The following GPR12 variants were observed in gnomAD, a reference collection of about 807,000 sequenced individuals.
GPR12 encodes G-protein coupled receptor 12.
A neutral mutation model predicts 18.9 loss-of-function variants in GPR12; 7 were observed. The ratio of observed to expected loss-of-function variants is 0.37; its 90% confidence interval spans 0.21 to 0.70. GPR12 has a LOEUF of 0.70. Among genes scored for constraint, GPR12 ranks in the 30% least tolerant of loss-of-function variants. GPR12 has a pLI of 0.54. For synonymous variants in GPR12, 201 were observed against 188.6 expected (o/e 1.07, Z -0.54); for missense variants, 327 against 427.7 (o/e 0.76, Z 2.08).
rs780756046 is a variant in GPR12, at chr13:26,759,744, A to G, written c.84T>C (p.Ala28=). Reference sequence around the variant, plus strand: ...CTACGGCAGGAACCCGGGAGGAGACAGCAGCCGAGATGTTCTCCGCAGCAG... The same window carrying G: ...CTACGGCAGGAACCCGGGAGGAGACGGCAGCCGAGATGTTCTCCGCAGCAG... The part of the protein sequence containing the change: ...DAAAAENISA[A]VSSRVPAVEP... The change falls in exon 2 of 2, where the codon GCT becomes GCC. Residue 28 remains alanine (A), a synonymous_variant. Coordinates refer to ENST00000405846, the MANE Select transcript of GPR12 (RefSeq NM_005288.4). 2.5e-5 allele frequency: 40 copies of G among 1,613,074 alleles called. No homozygotes were observed. Among genetic ancestry groups the G allele is most frequent in the Admixed American group, 3.3e-5 (2 of 59,984 alleles).
Position 26,758,933 on chromosome 13 carries a change from C to G in GPR12, c.895G>C (p.Val299Leu), listed in dbSNP as rs775896560. ...TCTTGGTTTCTGAAAGCATATATGA[C>G]AGGGTTGATGATGGAATTGTAGGTG... Reference protein sequence around the residue: ...PATYNSIINPVIYAFRNQEIQ... With the variant: ...PATYNSIINPLIYAFRNQEIQ... The change falls in exon 2 of 2, where the codon GTC becomes CTC. Residue 299 changes from valine to leucine, a missense_variant. Val to Leu is a conservative substitution (Grantham distance 32). Coordinates refer to ENST00000405846, the MANE Select transcript of GPR12 (RefSeq NM_005288.4). 3.6e-5 allele frequency: 58 copies of G among 1,613,938 alleles called. No individual in the cohort carries two copies. Among genetic ancestry groups the G allele is most frequent in the African/African-American group, 6.7e-5 (5 of 74,878 alleles).
Position 26,759,369 on chromosome 13 carries a change from C to T in GPR12, c.459G>A (p.Thr153=). The T allele has an allele frequency of 6.2e-7, 1 of 1,613,844 alleles. No individual in the cohort carries two copies. The highest frequency in any genetic ancestry group is 8.5e-7 in the Non-Finnish European group (1 of 1,180,020). Residue 153 remains threonine, a synonymous_variant, in exon 2 of 2, where the codon ACG becomes ACA. Transcript: ENST00000405846. Reference sequence around the variant, plus strand: ...CGAGCATGACATAGGTAAACGTGACCGTCCTCTCCGAATGGTACGTCAGAG... The same window carrying T: ...CGAGCATGACATAGGTAAACGTGACTGTCCTCTCCGAATGGTACGTCAGAG... ...YYALTYHSER[T]VTFTYVMLVM... is the part of the protein sequence containing the mutation.
rs1593161398 is a variant in GPR12, at chr13:26,759,737, A to G, written c.91T>C (p.Ser31Pro). 6.2e-7 allele frequency: 1 copy of G among 1,613,276 alleles called. No individual in the cohort carries two copies. Among genetic ancestry groups the G allele is most frequent in the Non-Finnish European group, 8.5e-7 (1 of 1,179,274 alleles). ...AAENISAAVS[S>P]RVPAVEPEPE... ...TCTGGCTCTACGGCAGGAACCCGGG[A>G]GGAGACAGCAGCCGAGATGTTCTCC... The change falls in exon 2 of 2, where the codon TCC becomes CCC. Residue 31 changes from serine (S) to proline (P), a missense_variant. Physicochemically the swap from Ser to Pro is moderately conservative, Grantham distance 74 (BLOSUM62 -1). Coordinates refer to ENST00000405846, the MANE Select transcript of GPR12 (RefSeq NM_005288.4).
rs1379804415 is a variant in GPR12, at chr13:26,759,487, A to G, written c.341T>C (p.Leu114Pro). ...AYLLQSEATK[L>P]VTIGLIVASF... ...GGCGACAATGAGGCCGATCGTGACC[A>G]GCTTGGTGGCTTCTGACTGAAGCAG... The change falls in exon 2 of 2, where the codon CTG becomes CCG. Residue 114 changes from leucine (L) to proline (P), a missense_variant. Leu to Pro is a moderately conservative substitution (Grantham distance 98, BLOSUM62 -3). Transcript: ENST00000405846. 1 of 1,614,062 alleles carries G rather than the reference A, an allele frequency of 6.2e-7. No individual in the cohort carries two copies. The highest frequency in any genetic ancestry group is 2.2e-5 in the East Asian group (1 of 44,890).
chr13:26,758,609 G>T lies in GPR12; in HGVS notation c.*214C>A. On this transcript the variant is annotated 3_prime_UTR_variant, in exon 2 of 2. Coordinates refer to ENST00000405846, the MANE Select transcript of GPR12 (RefSeq NM_005288.4). ...AAAACAAAATAATGTTGAGTGGAGA[G>T]CTCAACAATTTTTTTTAATGGTGAA... 1.4e-6 allele frequency: 1 copy of T among 702,194 alleles called. No homozygotes were observed. Among genetic ancestry groups the T allele is most frequent in the Non-Finnish European group, 2.2e-6 (1 of 452,280 alleles). 43.5% of individuals were successfully genotyped at this position (702,194 alleles called of 1,614,324 possible).
chr13:26,759,363 C>G lies in GPR12; in HGVS notation c.465G>C (p.Thr155=). 3 of 1,613,760 alleles carry G rather than the reference C, an allele frequency of 1.9e-6. No individual in the cohort carries two copies. In the South Asian group the frequency reaches 3.3e-5, roughly 18 times the overall value. Residue 155 remains threonine (T), a synonymous_variant, in exon 2 of 2, where the codon ACG becomes ACC. Coordinates refer to ENST00000405846, the MANE Select transcript of GPR12 (RefSeq NM_005288.4). ...ALTYHSERTV[T]FTYVMLVMLW... Reference sequence around the variant, plus strand: ...GCATGACGAGCATGACATAGGTAAACGTGACCGTCCTCTCCGAATGGTACG... The same window carrying G: ...GCATGACGAGCATGACATAGGTAAAGGTGACCGTCCTCTCCGAATGGTACG...
rs1410983983 is a variant in GPR12 at position 26,759,010 on chromosome 13, A to G, written c.818T>C (p.Ile273Thr). 1.2e-6 allele frequency: 2 copies of G among 1,613,972 alleles called. No homozygotes were observed. The highest frequency in any genetic ancestry group is 2.2e-5 in the East Asian group (1 of 44,846). ...GATGGAGGGGTAGGTGTAATCCGCT[A>G]TCAAGGAATAGAGGGTGAAAGGCAT... Reference protein sequence around the residue: ...CWMPFTLYSLIADYTYPSIYT... With the variant: ...CWMPFTLYSLTADYTYPSIYT... Residue 273 changes from isoleucine (I) to threonine (T), a missense_variant, in exon 2 of 2, where the codon ATA (isoleucine) becomes ACA (threonine). Ile to Thr is a moderately conservative substitution (Grantham distance 89). Coordinates refer to ENST00000405846, the MANE Select transcript of GPR12 (RefSeq NM_005288.4).
At position 26,757,480 on chromosome 13, in the gene GPR12, G is replaced by A. The variant is rs899114873; in HGVS notation, c.*1343C>T. On this transcript the variant is annotated 3_prime_UTR_variant, in exon 2 of 2. Coordinates refer to ENST00000405846, the MANE Select transcript of GPR12 (RefSeq NM_005288.4). ...ACCTGAGACACATCGATTTTACAAT[G>A]TGTTTAAAGTGAATTCTTCTTTGCA... 5 of 152,244 alleles carry A rather than the reference G, an allele frequency of 3.3e-5. No homozygotes were observed. The highest frequency in any genetic ancestry group is 6.5e-5 in the Admixed American group (1 of 15,284). The allele number at this position is 152,244 out of a possible 1,614,324, so 9.4% of individuals were successfully genotyped here. A position where few individuals can be genotyped will look rare whatever the true frequency, so the allele number is the denominator to read the frequency against.
Position 26,759,227 on chromosome 13 carries a change from T to C in GPR12, c.601A>G (p.Ile201Val). The change falls in exon 2 of 2, where the codon ATC (isoleucine) becomes GTC (valine). Residue 201 changes from isoleucine (I) to valine (V), a missense_variant. Transcript: ENST00000405846. ...VRPLTKNNAA[I>V]LSVSFLFMFA... ...ATGAAGAGGAAGGACACCGAGAGGA[T>C]GGCCGCGTTGTTCTTGGTGAGCGGT... 6.2e-7 allele frequency: 1 copy of C among 1,609,880 alleles called. No homozygotes were observed. The highest frequency in any genetic ancestry group is 8.5e-7 in the Non-Finnish European group (1 of 1,179,058).
At position 26,758,744 on chromosome 13, in the gene GPR12, A is replaced by G. The variant is rs1276898945; in HGVS notation, c.*79T>C. ...CTTGAGAGGGAATCCAATGCAAGGA[A>G]TTCAAGGGAAGCATCTCAAACCTTG... On this transcript the variant is annotated 3_prime_UTR_variant, in exon 2 of 2. Coordinates refer to ENST00000405846, the MANE Select transcript of GPR12 (RefSeq NM_005288.4). The G allele has an allele frequency of 6.6e-7, 1 of 1,511,022 alleles. No homozygotes were observed. Among genetic ancestry groups the G allele is most frequent in the African/African-American group, 1.4e-5 (1 of 71,878 alleles). 93.6% of individuals were successfully genotyped at this position (1,511,022 alleles called of 1,614,324 possible).
chr13:26,759,443 A>C lies in GPR12; in HGVS notation c.385T>G (p.Cys129Gly). Residue 129 changes from cysteine to glycine, a missense_variant, in exon 2 of 2, where the codon TGC (cysteine) becomes GGC (glycine). By Grantham distance (159) the Cys-to-Gly change is radical (BLOSUM62 -3). Coordinates refer to ENST00000405846, the MANE Select transcript of GPR12 (RefSeq NM_005288.4). ...LIVASFSASV[C>G]SLLAITVDRY... is the part of the protein sequence containing the mutation. ...TCAACAGTGATAGCCAGCAAGCTGC[A>C]GACAGAGGCAGAGAAAGAGGCGACA... 1.2e-6 allele frequency: 2 copies of C among 1,614,160 alleles called. No individual in the cohort carries two copies. Among genetic ancestry groups the C allele is most frequent in the Non-Finnish European group, 1.7e-6 (2 of 1,180,024 alleles).
In GPR12 at chr13:26,758,956, G is replaced by A. The variant is rs774503017; in HGVS notation, c.872C>T (p.Thr291Ile). The change falls in exon 2 of 2, where the codon ACC becomes ATC. Residue 291 changes from threonine (T) to isoleucine (I), a missense_variant. Physicochemically the swap from Thr to Ile is moderately conservative, Grantham distance 89. Transcript: ENST00000405846. ...GACAGGGTTGATGATGGAATTGTAG[G>A]TGGCGGGCAGGAGGGTGGCGTAGGT... ...IYTYATLLPA[T>I]YNSIINPVIY... The A allele has an allele frequency of 2.5e-6, 4 of 1,614,048 alleles. No individual in the cohort carries two copies. The African/African-American group carries it at 5.3e-5, about 22-fold the overall frequency.
Position 26,759,883 on chromosome 13 carries a change from A to G in GPR12, c.-15-41T>C, listed in dbSNP as rs566301659. ...AGGCTTTTTAATGTTTAAATACAGC[A>G]GGGTGACAATCCAAGATCATGCAAA... On this transcript the variant is annotated intron_variant, in intron 1 of 1. Coordinates refer to ENST00000405846, the MANE Select transcript of GPR12 (RefSeq NM_005288.4). 2.0e-6 allele frequency: 3 copies of G among 1,515,220 alleles called. No homozygotes were observed. In the South Asian group the frequency reaches 4.0e-5, roughly 20 times the overall value. 93.9% of individuals were successfully genotyped at this position (1,515,220 alleles called of 1,614,324 possible). A position where few individuals can be genotyped will look rare whatever the true frequency, so the allele number is the denominator to read the frequency against.
chr13:26,759,561 T>G lies in GPR12; in HGVS notation c.267A>C (p.Ala89=). 6.2e-7 allele frequency: 1 copy of G among 1,614,198 alleles called. No homozygotes were observed. The highest frequency in any genetic ancestry group is 1.3e-5 in the African/African-American group (1 of 75,044). ...MFLLIGSLAL[A]DLLAGIGLIT... is the part of the protein sequence containing the mutation. Reference sequence around the variant, plus strand: ...TGAGTCCAATGCCGGCCAGCAGGTCTGCAAGAGCCAGGCTGCCTATTAGCA... The same window carrying G: ...TGAGTCCAATGCCGGCCAGCAGGTCGGCAAGAGCCAGGCTGCCTATTAGCA... Residue 89 remains alanine, a synonymous_variant, in exon 2 of 2, where the codon GCA becomes GCC. Transcript: ENST00000405846.
At position 26,757,624 on chromosome 13, in the gene GPR12, A is replaced by G. The variant is rs576610506; in HGVS notation, c.*1199T>C. On this transcript the variant is annotated 3_prime_UTR_variant, in exon 2 of 2. Coordinates refer to ENST00000405846, the MANE Select transcript of GPR12 (RefSeq NM_005288.4). Reference sequence around the variant, plus strand: ...AAACTTAACTTTTCATCAACAGCCAATGGTCATTCTGTTTATGACCTTACA... The same window carrying G: ...AAACTTAACTTTTCATCAACAGCCAGTGGTCATTCTGTTTATGACCTTACA... 1.3e-4 allele frequency: 20 copies of G among 152,360 alleles called. No homozygotes were observed. The highest frequency in any genetic ancestry group is 4.8e-4 in the African/African-American group (20 of 41,588). The allele number at this position is 152,360 out of a possible 1,614,324, so 9.4% of individuals were successfully genotyped here.
chr13:26,759,692 G>A lies in GPR12; in HGVS notation c.136C>T (p.Pro46Ser), dbSNP rs1566093784. ...VEPEPELVVN[P>S]WDIVLCTSGT... is the part of the protein sequence containing the mutation. The stretch of plus-strand genomic sequence containing the variant: ...GAGGTACACAAGACAATGTCCCAGG[G>A]GTTGACTACGAGCTCAGGCTCTGGC... The change falls in exon 2 of 2, where the codon CCC (proline) becomes TCC (serine). Residue 46 changes from proline to serine, a missense_variant. Pro to Ser is a moderately conservative substitution (Grantham distance 74). Coordinates refer to ENST00000405846, the MANE Select transcript of GPR12 (RefSeq NM_005288.4). 2 of 1,614,000 alleles carry A rather than the reference G, an allele frequency of 1.2e-6. No homozygotes were observed. The highest frequency in any genetic ancestry group is 1.6e-4 in the Middle Eastern group (1 of 6,062).
rs143777932 is a variant in GPR12 at position 26,759,147 on chromosome 13, G to A, written c.681C>T (p.His227=). The A allele has an allele frequency of 4.4e-4, 711 of 1,613,582 alleles. 3 individuals are homozygous for A. In the African/African-American group the frequency reaches 8.5e-3, roughly 19 times the overall value. Reference sequence around the variant, plus strand: ...GGTGCTGCAGGGCTATCTGATGGGCGTGCCTCATCACAATCTTACAGATCT... The same window carrying A: ...GGTGCTGCAGGGCTATCTGATGGGCATGCCTCATCACAATCTTACAGATCT... The part of the protein sequence containing the change: ...YIQICKIVMR[H]AHQIALQHHF... The change falls in exon 2 of 2, where the codon CAC becomes CAT. Residue 227 remains histidine, a synonymous_variant. Coordinates refer to ENST00000405846, the MANE Select transcript of GPR12 (RefSeq NM_005288.4).
Position 26,759,432 on chromosome 13 carries a change from C to T in GPR12, c.396G>A (p.Leu132=), listed in dbSNP as rs758574906. 2 of 1,614,108 alleles carry T rather than the reference C, an allele frequency of 1.2e-6. No individual in the cohort carries two copies. Among genetic ancestry groups the T allele is most frequent in the Non-Finnish European group, 1.7e-6 (2 of 1,180,030 alleles). ...ASFSASVCSL[L]AITVDRYLSL... ...AGAGGTAGCGGTCAACAGTGATAGC[C>T]AGCAAGCTGCAGACAGAGGCAGAGA... The change falls in exon 2 of 2, where the codon CTG becomes CTA. Residue 132 remains leucine, a synonymous_variant. Transcript: ENST00000405846.
In GPR12 at chr13:26,760,766, C is replaced by T. The variant is rs1205764421; in HGVS notation, c.-203G>A. 1 of 146,626 alleles carries T rather than the reference C, an allele frequency of 6.8e-6. No individual in the cohort carries two copies. The highest frequency in any genetic ancestry group is 1.5e-5 in the Non-Finnish European group (1 of 65,912). 9.1% of individuals were successfully genotyped at this position (146,626 alleles called of 1,614,324 possible). A position where few individuals can be genotyped will look rare whatever the true frequency, so the allele number is the denominator to read the frequency against. The stretch of plus-strand genomic sequence containing the variant: ...CGCGGCTGCAGGTGAGCAGCAGCCT[C>T]GGCTCGCGCGCCCAGCTTTCCCCGC... On this transcript the variant is annotated 5_prime_UTR_variant, in exon 1 of 2. Transcript: ENST00000405846.
Sources: allele counts gnomAD v4.1 joint callset, GRCh38; gene constraint gnomAD v4.1.1; transcripts MANE v1.5; gene names NCBI Gene and HGNC (gene_info 2026-07-23, HGNC 2026-07-21).